Variants in LRBA observed in about 807,000 individuals in gnomAD.
LRBA encodes lipopolysaccharide-responsive and beige-like anchor protein.
LRBA carries 176 observed loss-of-function variants against 330.0 expected under a neutral mutation model. The ratio of observed to expected loss-of-function variants is 0.53; its 90% CI spans 0.47 to 0.60. LRBA has a LOEUF of 0.60. Among genes scored for constraint, LRBA ranks in the 20% least tolerant of loss-of-function variants. The pLI, the probability that LRBA is intolerant of heterozygous loss-of-function variation, is 0.00. For synonymous variants in LRBA, 1,230 were observed against 1,193.0 expected (o/e 1.03, Z -0.64); for missense variants, 3,259 against 3,444.8 (o/e 0.95, Z 1.35).
At chr4:150,780,065 C>T (rs181873477) in intron 34 of LRBA, among the ~76,000 whole-genome samples, 3 of 152,244 alleles carry the variant, frequency 2.0e-5, no homozygotes, top group Non-Finnish European at 2.9e-5. Context: ...GGTAAATAAG[C>T]CATATAGAAA....
intron 2 of LRBA, among the ~76,000 whole-genome samples, chr4:150,976,161 T>G (rs1579377267): frequency 6.3e-5 from 7 of 111,140 alleles, no homozygotes; most frequent in East Asian, 2.5e-4. Context: ...GGTGACAGAG[T>G]GAAACTCCGT....
intron 2 of LRBA, among the ~76,000 whole-genome samples, chr4:150,993,678 T>C (rs989123445): frequency 1.3e-5 from 2 of 152,254 alleles, no homozygotes; most frequent in South Asian, 4.1e-4. Flanking sequence ...TACATGGTGG[T>C]GGCAAGAGAA....
At chr4:150,691,519 G>A (rs892664910) in intron 36 of LRBA, among the ~76,000 whole-genome samples, 1 of 152,030 alleles carries the variant, frequency 6.6e-6, no homozygotes, top group Non-Finnish European at 1.5e-5. Flanking sequence ...CCACTAGACC[G>A]GCTGAAATTT....
intron 40 of LRBA, among the ~76,000 whole-genome samples, chr4:150,526,656 A>C (rs576928524): frequency 1.3e-5 from 2 of 152,302 alleles, no homozygotes; most frequent in Non-Finnish European, 2.9e-5. Flanking sequence ...AAACAATTTC[A>C]ATAATTATGC....
At chr4:150,491,523 T>G (rs1042570260) in intron 40 of LRBA, among the ~76,000 whole-genome samples, 6 of 152,102 alleles carry the variant, frequency 3.9e-5, no homozygotes, top group African/African-American at 1.4e-4. Context: ...AAAATGACAC[T>G]TTTAAGGTCA....
intron 47 of LRBA, among the ~76,000 whole-genome samples, chr4:150,386,030 T>C (rs780234399): frequency 1.3e-5 from 2 of 152,158 alleles, no homozygotes; most frequent in Admixed American, 6.5e-5. Context: ...CTACTGCCGA[T>C]GGGTTACTAA....
At chr4:150,292,849 C>T (rs912373396) in intron 53 of LRBA, among the ~76,000 whole-genome samples, 2 of 152,042 alleles carry the variant, frequency 1.3e-5, no homozygotes, top group Non-Finnish European at 2.9e-5. Context: ...AAGTCCATAC[C>T]ACTTGTAACA....
At chr4:150,746,410 T>C (rs574961559) in intron 35 of LRBA, among the ~76,000 whole-genome samples, 1 of 152,220 alleles carries the variant, frequency 6.6e-6, no homozygotes, top group South Asian at 2.1e-4. Context: ...AAGCTAGAAA[T>C]ATCAGTCATA....
rs1015075356 is a variant in LRBA, at chr4:150,916,792, A to T, written c.646-54T>A. Reference sequence around the variant, plus strand: ...CTCACGTGAAAACCTGTCTTATTAAAATCATGAAAATAAGACTTTGCAATG... The same window carrying T: ...CTCACGTGAAAACCTGTCTTATTAATATCATGAAAATAAGACTTTGCAATG... On this transcript the variant is annotated intron_variant, in intron 5 of 56. Transcript: ENST00000651943. 17 of 1,373,118 alleles carry T rather than the reference A, an allele frequency of 1.2e-5. 1 individual carries two copies. The highest frequency in any genetic ancestry group is 1.2e-4 in the Admixed American group (5 of 40,722). The allele number at this position is 1,373,118 out of a possible 1,614,324, so 85.1% of individuals were successfully genotyped here.
In LRBA at chr4:150,507,464, A is replaced by C. The variant is rs568237778; in HGVS notation, c.6331-16429T>G. ...CTGATCTTTGACAAACCTGAGAAAA[A>C]CAAGAAATGAGGAAAGGATTCCTTA... On this transcript the variant is annotated intron_variant, in intron 40 of 56. Transcript: ENST00000651943. Among the ~76,000 whole-genome samples the C allele has an allele frequency of 1.3e-4, 20 of 151,326 alleles. 1 individual carries two copies. In the South Asian group the frequency reaches 4.2e-3, roughly 31 times the overall value.
At chr4:150,874,827 C>T (rs866339965) in intron 17 of LRBA, among the ~76,000 whole-genome samples, 1 of 152,128 alleles carries the variant, frequency 6.6e-6, no homozygotes, top group Non-Finnish European at 1.5e-5. Flanking sequence ...CCCTATTCCA[C>T]GTGGTGCAGC....
chr4:150,338,432 G>A (rs1265747646), intron 48 of LRBA, among the ~76,000 whole-genome samples: 1 of 152,140 alleles, frequency 6.6e-6, no homozygotes, highest in Non-Finnish European at 1.5e-5. Flanking sequence ...AGTACAAGAT[G>A]AAAAAGCACA....
At chr4:150,575,428 A>T (rs985347608) in intron 40 of LRBA, among the ~76,000 whole-genome samples, 3 of 151,940 alleles carry the variant, frequency 2.0e-5, no homozygotes, top group African/African-American at 7.2e-5. Context: ...TTGTAATCTT[A>T]GCAGATGATC....
At chr4:150,490,294 C>A (rs903799995) in intron 41 of LRBA, among the ~76,000 whole-genome samples, 12 of 151,714 alleles carry the variant, frequency 7.9e-5, no homozygotes, top group Admixed American at 7.2e-4. Context: ...TACAATAAAT[C>A]AGTAGGTTTT....
chr4:150,771,138 A>G (rs1736507280), intron 34 of LRBA, among the ~76,000 whole-genome samples: 1 of 152,204 alleles, frequency 6.6e-6, no homozygotes, highest in African/African-American at 2.4e-5. Context: ...CCTCTAGGCC[A>G]GCAGACTGTA....
At chr4:150,267,176 C>T (rs918553434) in intron 56 of LRBA, among the ~76,000 whole-genome samples, 8 of 152,274 alleles carry the variant, frequency 5.3e-5, no homozygotes, top group African/African-American at 1.4e-4. Flanking sequence ...TTGAACAATA[C>T]GATAAGCCAA....
rs931556950 is a variant in LRBA, at chr4:150,957,855, TC to T, written c.217-28791del. Among the ~76,000 whole-genome samples the T allele has an allele frequency of 2.9e-4, 43 of 149,368 alleles. 6 individuals are homozygous for T. The highest frequency in any genetic ancestry group is 1.1e-3 in the African/African-American group (42 of 38,764). ...CAAATCTTAAAGCTCCAAAATGATC[TC>T]CTTTGACTTCATGTCTCACATCCAG... On this transcript the variant is annotated intron_variant, in intron 2 of 56. Coordinates refer to ENST00000651943, the MANE Select transcript of LRBA (RefSeq NM_001364905.1).
chr4:150,842,446 T>C (rs1274088972), intron 28 of LRBA, among the ~76,000 whole-genome samples: 1 of 152,138 alleles, frequency 6.6e-6, no homozygotes, highest in Non-Finnish European at 1.5e-5. Context: ...TGCTACCACA[T>C]GTGGCTAATT....
chr4:150,934,503 A>G (rs1193833022), intron 2 of LRBA, among the ~76,000 whole-genome samples: 1 of 152,228 alleles, frequency 6.6e-6, no homozygotes, highest in East Asian at 1.9e-4. Context: ...ACAGTGATCA[A>G]TAAGACAGAA....
Sources: gnomAD v4.1 joint callset for allele counts (sites outside exome capture counted in the v4.1 genomes callset) on GRCh38, gnomAD v4.1.1 for gene constraint, MANE v1.5 for transcripts, NCBI Gene and HGNC (gene_info 2026-07-23, HGNC 2026-07-21) for gene names.